Variants in INVS observed in about 807,000 individuals in gnomAD.
INVS encodes the protein inversion of embryo turning homolog.
A neutral mutation model predicts 108.8 loss-of-function variants in INVS; 86 were observed. That is an observed-to-expected ratio of 0.79 (90% CI 0.66 to 0.95). The LOEUF (loss-of-function observed/expected upper bound fraction) is 0.95. INVS is among the 40% of genes least tolerant of loss of function. The probability of loss-of-function intolerance (pLI) is 0.00; values close to 1 mark genes in which losing one functional copy is unlikely to be tolerated. For missense variants in INVS, 1,169 were observed against 1,297.4 expected (o/e 0.90, Z 1.52); for synonymous variants, 455 against 473.5 (o/e 0.96, Z 0.51).
chr9:100,210,226 A>T (rs961873251), intron 3 of INVS, among the ~76,000 whole-genome samples: 1 of 152,058 alleles, frequency 6.6e-6, no homozygotes, highest in Non-Finnish European at 1.5e-5. Context: ...GGTCAAAGGG[A>T]GGGATAGTGT....
At chr9:100,204,314 T>C (rs1385792780) in intron 3 of INVS, among the ~76,000 whole-genome samples, 1 of 152,244 alleles carries the variant, frequency 6.6e-6, no homozygotes, top group African/African-American at 2.4e-5. Flanking sequence ...TCACTGCTAT[T>C]TAAGCTGATG....
At chr9:100,106,022 C>T (rs1216706901) in intron 2 of INVS, among the ~76,000 whole-genome samples, 4 of 152,108 alleles carry the variant, frequency 2.6e-5, no homozygotes, top group Admixed American at 2.6e-4. Flanking sequence ...TACTACTCAT[C>T]ATACCACATT....
At chr9:100,281,599 G>A (rs1034703598) in intron 12 of INVS, among the ~76,000 whole-genome samples, 1 of 152,108 alleles carries the variant, frequency 6.6e-6, no homozygotes, top group African/African-American at 2.4e-5. Flanking sequence ...CCACCTAGAA[G>A]ATTTTTTTAA....
chr9:100,138,223 T>G (rs559793870), intron 3 of INVS, among the ~76,000 whole-genome samples: 1 of 152,190 alleles, frequency 6.6e-6, no homozygotes, highest in African/African-American at 2.4e-5. Flanking sequence ...CTGGCCAATG[T>G]GGTGAAACCC....
At chr9:100,145,177 G>C (rs973991642) in intron 3 of INVS, among the ~76,000 whole-genome samples, 1 of 151,818 alleles carries the variant, frequency 6.6e-6, no homozygotes, top group Non-Finnish European at 1.5e-5. Context: ...AGGGTGGAAG[G>C]TTGCCCATAG....
intron 3 of INVS, among the ~76,000 whole-genome samples, chr9:100,166,888 CA>C (rs1186840526): frequency 6.6e-6 from 1 of 152,146 alleles, no homozygotes; most frequent in African/African-American, 2.4e-5. Context: ...ACATATCAAC[CA>C]GAATGATCCT....
chr9:100,260,277 C>A (rs959310565), intron 10 of INVS, among the ~76,000 whole-genome samples: 1 of 150,200 alleles, frequency 6.7e-6, no homozygotes, highest in Non-Finnish European at 1.5e-5. Context: ...GCAACCTCCA[C>A]CTCCCAGGTT....
chr9:100,207,599 G>A (rs1036419190), intron 3 of INVS, among the ~76,000 whole-genome samples: 3 of 152,106 alleles, frequency 2.0e-5, no homozygotes, highest in Non-Finnish European at 4.4e-5. Context: ...AGCTGCACAA[G>A]TTATTTTTAA....
At chr9:100,277,790 A>G (rs1427641678) in intron 12 of INVS, among the ~76,000 whole-genome samples, 5 of 152,312 alleles carry the variant, frequency 3.3e-5, no homozygotes, top group Middle Eastern at 3.4e-3. Context: ...GTGACAATGA[A>G]GAGATAAAAA....
intron 1 of INVS, among the ~76,000 whole-genome samples, chr9:100,100,962 T>TGC (rs1826946158): frequency 4.8e-5 from 2 of 41,958 alleles, no homozygotes; most frequent in African/African-American, 2.1e-4. Flanking sequence ...ATATTATATA[T>TGC]ATAATATATA....
At chr9:100,260,728 C>G (rs985839736) in intron 10 of INVS, among the ~76,000 whole-genome samples, 7 of 151,998 alleles carry the variant, frequency 4.6e-5, no homozygotes, top group South Asian at 4.1e-4. Context: ...AAGATAACAA[C>G]AGTGGGGGAA....
chr9:100,214,741 C>T (rs978997018), intron 3 of INVS, among the ~76,000 whole-genome samples: 2 of 152,222 alleles, frequency 1.3e-5, no homozygotes, highest in African/African-American at 4.8e-5. Flanking sequence ...TGTTTCATAG[C>T]AAGCACATGG....
At position 100,299,525 on chromosome 9, in the gene INVS, G is replaced by T. The variant is rs1554731499; in HGVS notation, c.3092-1043G>T. The stretch of plus-strand genomic sequence containing the variant: ...CCCAGCCTTGCAAACCACCCACCAA[G>T]AATCTCAGCAGAGCCTTTTATTGAC... On this transcript the variant is annotated intron_variant, in intron 16 of 16. Transcript: ENST00000262457. Among the ~76,000 whole-genome samples the T allele has an allele frequency of 2.0e-5, 3 of 148,606 alleles. No individual in the cohort carries two copies. The Admixed American group carries it at 2.0e-4, about 10-fold the overall frequency.
At chr9:100,100,973 T>TG (rs1491213006) in intron 1 of INVS, among the ~76,000 whole-genome samples, 21 of 62,298 alleles carry the variant, frequency 3.4e-4, no homozygotes, top group African/African-American at 1.7e-3. Context: ...ATAATATATA[T>TG]TATATATATA....
chr9:100,192,389 G>A (rs1440311462), intron 3 of INVS, among the ~76,000 whole-genome samples: 3 of 151,774 alleles, frequency 2.0e-5, no homozygotes, highest in African/African-American at 7.3e-5. Flanking sequence ...TTCTTTCTCT[G>A]TTGCTGAATT....
At chr9:100,100,795 T>TG (rs1826873844) in intron 1 of INVS, among the ~76,000 whole-genome samples, 1 of 10,348 alleles carries the variant, frequency 9.7e-5, no homozygotes, top group Non-Finnish European at 1.3e-4. Context: ...ATTATATATA[T>TG]AATATATGTA....
At chr9:100,268,026 G>T (rs1160059257) in intron 11 of INVS, among the ~76,000 whole-genome samples, 1 of 152,132 alleles carries the variant, frequency 6.6e-6, no homozygotes, top group African/African-American at 2.4e-5. Context: ...ACAGGAAAGT[G>T]GTCCCGATCC....
Position 100,226,123 on chromosome 9 carries a change from TG to T in INVS, c.337del (p.Glu113LysfsTer3). The T allele has an allele frequency of 2.5e-6, 4 of 1,613,840 alleles. No homozygotes were observed. Among genetic ancestry groups the T allele is most frequent in the Non-Finnish European group, 3.4e-6 (4 of 1,179,808 alleles). On this transcript the variant is annotated frameshift_variant, in exon 4 of 17. Transcript: ENST00000262457. LOFTEE classifies it high-confidence loss of function. ...AGAGCAAACTGGATGCAAAAGGATC[TG>T]GAAGAGATGACTCCTTTGCACTTGA... ...TRRANWMQKDLEEMTPLHLTT... is the reference protein window; with the variant it reads ...TRRANWMQKDXEEMTPLHLTT...
rs1222883233 is a variant in INVS at position 100,162,239 on chromosome 9, T to A, written c.273+35690T>A. Among the ~76,000 whole-genome samples, 3 of 152,200 alleles carry A rather than the reference T, an allele frequency of 2.0e-5. No homozygotes were observed. In the East Asian group the frequency reaches 5.8e-4, roughly 29 times the overall value. ...GTCATTTGGGTCCATCATGGAAATT[T>A]GTATCATTAATACACATTTTCTGTT... On this transcript the variant is annotated intron_variant, in intron 3 of 16. Transcript: ENST00000262457.
Sources: allele counts gnomAD v4.1 joint callset (sites outside exome capture counted in the v4.1 genomes callset), GRCh38; gene constraint gnomAD v4.1.1; transcripts MANE v1.5; gene names NCBI Gene and HGNC (gene_info 2026-07-23, HGNC 2026-07-21).